RBFOX1: variants seen among roughly 807,000 people sequenced by gnomAD.
RBFOX1 encodes RNA binding protein fox-1 homolog 1.
In RBFOX1, 8 loss-of-function variants were observed where a neutral mutation model predicts 57.7. That is an observed-to-expected ratio of 0.14 (90% confidence interval 0.08 to 0.25). The LOEUF is 0.25. Ranked by LOEUF, RBFOX1 falls within the 10% of genes least tolerant of loss-of-function variation. The pLI, the probability that RBFOX1 is intolerant of heterozygous loss-of-function variation, is 1.00. For missense variants in RBFOX1, 611 were observed against 548.5 expected (o/e 1.11, Z -1.14); for synonymous variants, 326 against 222.4 (o/e 1.47, Z -4.15).
chr16:5,578,291 C>T (rs2046538368), intron 2 of RBFOX1, among the ~76,000 whole-genome samples: 2 of 152,138 alleles, frequency 1.3e-5, no homozygotes, highest in African/African-American at 4.8e-5. Flanking sequence ...CACCTAGCCT[C>T]ATTCATCAGG....
chr16:6,578,255 C>G (rs1389981891), intron 2 of RBFOX1, among the ~76,000 whole-genome samples: 1 of 152,066 alleles, frequency 6.6e-6, no homozygotes, highest in Non-Finnish European at 1.5e-5. Flanking sequence ...TCACAAAACA[C>G]TTTTTTCAGG....
chr16:6,539,744 G>A (rs1158113669), intron 2 of RBFOX1, among the ~76,000 whole-genome samples: 1 of 150,416 alleles, frequency 6.6e-6, no homozygotes, highest in African/African-American at 2.5e-5. Context: ...GTTGCAGTGA[G>A]CTGAGATCGT....
intron 1 of RBFOX1, among the ~76,000 whole-genome samples, chr16:6,187,737 A>C (rs2097114091): frequency 6.6e-6 from 1 of 152,190 alleles, no homozygotes; most frequent in African/African-American, 2.4e-5. Flanking sequence ...ATTTGATGGC[A>C]AAGTGGGATG....
intron 7 of RBFOX1, among the ~76,000 whole-genome samples, chr16:7,594,892 CTG>C (rs1288745964): frequency 1.5e-4 from 23 of 152,284 alleles, no homozygotes; most frequent in Non-Finnish European, 2.9e-4. Flanking sequence ...TATTAATCAA[CTG>C]AAGTTTATTT....
chr16:6,756,196 T>C (rs933071641), intron 3 of RBFOX1, among the ~76,000 whole-genome samples: 2 of 152,208 alleles, frequency 1.3e-5, no homozygotes, highest in Non-Finnish European at 2.9e-5. Flanking sequence ...TAACTGGATT[T>C]ATTTAAAAAT....
chr16:6,561,472 C>T (rs563677907), intron 2 of RBFOX1, among the ~76,000 whole-genome samples: 69 of 152,146 alleles, frequency 4.5e-4, no homozygotes, highest in African/African-American at 1.6e-3. Context: ...GGAAACCTTC[C>T]CTGTTGTTAG....
chr16:7,000,853 C>A (rs371909773), intron 3 of RBFOX1, among the ~76,000 whole-genome samples: 1 of 152,056 alleles, frequency 6.6e-6, no homozygotes, highest in Admixed American at 6.6e-5. Context: ...CCGCCCGCCT[C>A]GGCCTCCCAA....
At chr16:6,835,750 C>CT (rs2093046755) in intron 3 of RBFOX1, among the ~76,000 whole-genome samples, 1 of 73,018 alleles carries the variant, frequency 1.4e-5, no homozygotes, top group South Asian at 7.0e-4. Context: ...TAAGACTCTG[C>CT]TTAAAAAAAA....
In RBFOX1 at chr16:5,824,521, G is replaced by T. The variant is rs142649794; in HGVS notation, c.319-42782G>T. On this transcript the variant is annotated intron_variant, in intron 3 of 19. Coordinates refer to the RBFOX1 transcript ENST00000641259. ...GCAGGGGGCTGCAGGGTGACTTTAG[G>T]CTGGTCAGTGGCTTTCTGGGGTGAT... Among the ~76,000 whole-genome samples, 218 of 152,326 alleles carry T rather than the reference G, an allele frequency of 1.4e-3. 7 individuals carry two copies. The East Asian group carries it at 0.04, about 28-fold the overall frequency.
At chr16:7,171,761 T>C (rs1304271367) in intron 4 of RBFOX1, among the ~76,000 whole-genome samples, 1 of 152,194 alleles carries the variant, frequency 6.6e-6, no homozygotes, top group Admixed American at 6.5e-5. Context: ...TCAATCTGTC[T>C]CCATACTTCA....
rs190071136 is a variant in RBFOX1, at chr16:7,001,890, C to A, written c.-15-50167C>A. ...ACTTTTCTTATTAAGTGGGGAGTCCCCATAGTAAGCGGGGGTCCCCAAAAT... is the reference window on the plus strand; with the variant it reads ...ACTTTTCTTATTAAGTGGGGAGTCCACATAGTAAGCGGGGGTCCCCAAAAT... On this transcript the variant is annotated intron_variant, in intron 3 of 15. Transcript: ENST00000550418. Among the ~76,000 whole-genome samples, 7 of 152,134 alleles carry A rather than the reference C, an allele frequency of 4.6e-5. No individual in the cohort carries two copies. In the East Asian group the frequency reaches 1.4e-3, roughly 29 times the overall value.
At chr16:6,828,420 A>C (rs989229896) in intron 3 of RBFOX1, among the ~76,000 whole-genome samples, 2 of 152,010 alleles carry the variant, frequency 1.3e-5, no homozygotes, top group Non-Finnish European at 2.9e-5. Flanking sequence ...GCTACTCAGG[A>C]GACTGAGGCA....
chr16:5,795,398 G>T (rs568295708), intron 3 of RBFOX1, among the ~76,000 whole-genome samples: 1 of 151,998 alleles, frequency 6.6e-6, no homozygotes, highest in South Asian at 2.1e-4. Flanking sequence ...CAATCTTCTG[G>T]GCTCAAGTGA....
At chr16:5,328,405 C>G (rs2064647291) in intron 1 of RBFOX1, among the ~76,000 whole-genome samples, 1 of 152,186 alleles carries the variant, frequency 6.6e-6, no homozygotes, top group African/African-American at 2.4e-5. Context: ...TCTGGGACTT[C>G]TAGCCTACAG....
At chr16:6,223,118 G>A (rs1427500551) in intron 1 of RBFOX1, among the ~76,000 whole-genome samples, 1 of 149,046 alleles carries the variant, frequency 6.7e-6, no homozygotes, top group African/African-American at 2.5e-5. Context: ...CATTTGGGTT[G>A]GTTCCAAGTC....
intron 3 of RBFOX1, among the ~76,000 whole-genome samples, chr16:6,920,853 C>G (rs1309332006): frequency 6.6e-6 from 1 of 152,210 alleles, no homozygotes; most frequent in Non-Finnish European, 1.5e-5. Flanking sequence ...AGTTACACCA[C>G]CTGCAAAAGC....
At chr16:6,825,892 A>G (rs1407381410) in intron 3 of RBFOX1, among the ~76,000 whole-genome samples, 3 of 152,220 alleles carry the variant, frequency 2.0e-5, no homozygotes, top group Non-Finnish European at 4.4e-5. Context: ...GGTGGCAGCA[A>G]GACTTTAGGA....
chr16:6,956,616 C>T (rs536631492), intron 3 of RBFOX1, among the ~76,000 whole-genome samples: 1 of 152,204 alleles, frequency 6.6e-6, no homozygotes, highest in Non-Finnish European at 1.5e-5. Flanking sequence ...TTCAAATCCA[C>T]AGCCCGTCTT....
intron 1 of RBFOX1, among the ~76,000 whole-genome samples, chr16:5,419,019 T>A (rs916727129): frequency 3.9e-5 from 6 of 152,002 alleles, no homozygotes; most frequent in Admixed American, 3.9e-4. Context: ...GAGAGCAAGG[T>A]GGGGAAGGTA....
Sources: allele counts gnomAD v4.1 joint callset (sites outside exome capture counted in the v4.1 genomes callset), GRCh38; gene constraint gnomAD v4.1.1; transcripts MANE v1.5; gene names NCBI Gene and HGNC (gene_info 2026-07-23, HGNC 2026-07-21).